PRR5L: variants seen among roughly 807,000 people sequenced by gnomAD.
PRR5L encodes proline-rich protein 5-like.
PRR5L carries 21 observed loss-of-function variants against 36.4 expected under a neutral mutation model. The ratio of observed to expected loss-of-function variants is 0.58; its 90% CI spans 0.41 to 0.83. The LOEUF is 0.83. Ranked by LOEUF, PRR5L falls within the 40% of genes least tolerant of loss-of-function variation. PRR5L has a pLI of 0.00. For synonymous variants in PRR5L, 188 were observed against 197.0 expected, an observed-to-expected ratio of 0.95 and a Z score of 0.38; for missense variants, 381 against 473.3, an observed-to-expected ratio of 0.80 and a Z score of 1.81.
intron 1 of PRR5L, among the ~76,000 whole-genome samples, chr11:36,378,496 C>T (rs1173137064): frequency 6.6e-6 from 1 of 152,172 alleles, no homozygotes; most frequent in Non-Finnish European, 1.5e-5. Flanking sequence ...ACAACTGGAA[C>T]CACTAATATG....
chr11:36,422,540 C>G (rs1001281611), intron 4 of PRR5L, among the ~76,000 whole-genome samples: 1 of 152,208 alleles, frequency 6.6e-6, no homozygotes, highest in African/African-American at 2.4e-5. Context: ...ACCCTGACCC[C>G]CAACTCTGAG....
At chr11:36,381,099 C>G (rs1017519625) in intron 1 of PRR5L, among the ~76,000 whole-genome samples, 6 of 152,188 alleles carry the variant, frequency 3.9e-5, no homozygotes, top group African/African-American at 1.4e-4. Context: ...TTTTTCTCCC[C>G]TCAATTTTGA....
intron 1 of PRR5L, among the ~76,000 whole-genome samples, chr11:36,353,093 G>T (rs1856992188): frequency 6.6e-6 from 1 of 152,166 alleles, no homozygotes; most frequent in African/African-American, 2.4e-5. Context: ...ATAGCTCTTT[G>T]TTGTGGGTGA....
At chr11:36,443,527 G>A (rs962644755) in intron 6 of PRR5L, among the ~76,000 whole-genome samples, 2 of 152,072 alleles carry the variant, frequency 1.3e-5, no homozygotes, top group African/African-American at 4.8e-5. Flanking sequence ...TCTGAGCCTT[G>A]GTTTTCTTCT....
At chr11:36,327,534 T>G (rs1031547133) in intron 1 of PRR5L, among the ~76,000 whole-genome samples, 3 of 152,212 alleles carry the variant, frequency 2.0e-5, no homozygotes, top group Non-Finnish European at 4.4e-5. Context: ...AAATTCTCTC[T>G]TGTAGGAGAA....
At chr11:36,382,788 G>C (rs118055289) in intron 1 of PRR5L, among the ~76,000 whole-genome samples, 27 of 152,242 alleles carry the variant, frequency 1.8e-4, no homozygotes, top group Non-Finnish European at 3.5e-4. Context: ...CCAGGCAGTG[G>C]GACAAAATCG....
At chr11:36,302,252 T>A (rs755433894) in intron 1 of PRR5L, among the ~76,000 whole-genome samples, 8 of 152,162 alleles carry the variant, frequency 5.3e-5, no homozygotes, top group Non-Finnish European at 7.4e-5. Flanking sequence ...GGAAGAGTGA[T>A]CCTTGAAGCG....
intron 3 of PRR5L, among the ~76,000 whole-genome samples, chr11:36,413,022 C>T (rs975814823): frequency 2.6e-5 from 4 of 152,112 alleles, no homozygotes; most frequent in East Asian, 1.9e-4. Flanking sequence ...GATGGTGTAT[C>T]GGAACAGAGG....
intron 4 of PRR5L, among the ~76,000 whole-genome samples, chr11:36,430,123 A>T (rs545814497): frequency 9.9e-5 from 15 of 152,224 alleles, no homozygotes; most frequent in African/African-American, 3.6e-4. Flanking sequence ...TTGAAACTAC[A>T]TGGTGGCTGG....
chr11:36,427,492 A>C (rs1858406628), intron 4 of PRR5L, among the ~76,000 whole-genome samples: 1 of 152,216 alleles, frequency 6.6e-6, no homozygotes, highest in South Asian at 2.1e-4. Flanking sequence ...ACAGCTCAGC[A>C]GCCAGCAAAC....
chr11:36,376,385 A>G, intron 1 of PRR5L: 1 of 1,160,216 alleles, frequency 8.6e-7, no homozygotes, highest in East Asian at 6.6e-5. Flanking sequence ...GGCGGCCGTA[A>G]GATGAGAGAG....
In PRR5L at chr11:36,442,742, C is replaced by T. The variant is rs143576849; in HGVS notation, c.445-3558C>T. Among the ~76,000 whole-genome samples the T allele has an allele frequency of 4.0e-3, 613 of 152,280 alleles. 3 individuals carry two copies. The highest frequency in any genetic ancestry group is 0.012 in the African/African-American group (494 of 41,554). On this transcript the variant is annotated intron_variant, in intron 6 of 8. Transcript: ENST00000530639. ...AATACAGACAAATTATTTGCTAAGG[C>T]ATAAAAAGGGTGATTTTTATTCCAG...
intron 1 of PRR5L, among the ~76,000 whole-genome samples, chr11:36,361,580 G>A (rs1255313100): frequency 6.6e-6 from 1 of 152,108 alleles, no homozygotes; most frequent in Admixed American, 6.5e-5. Context: ...TGATCTCTAG[G>A]TATTTACTGT....
chr11:36,340,083 C>T (rs1856804247), intron 1 of PRR5L, among the ~76,000 whole-genome samples: 1 of 152,232 alleles, frequency 6.6e-6, no homozygotes, highest in Non-Finnish European at 1.5e-5. Context: ...CTCATCCATT[C>T]TGCAGTGACA....
chr11:36,461,282 A>G (rs1193903358), intron 8 of PRR5L, among the ~76,000 whole-genome samples: 3 of 152,174 alleles, frequency 2.0e-5, no homozygotes, highest in African/African-American at 7.2e-5. Flanking sequence ...TCAAAAGATA[A>G]AATGTCTAGG....
chr11:36,421,916 G>A (rs564223543), intron 4 of PRR5L, among the ~76,000 whole-genome samples: 12 of 152,318 alleles, frequency 7.9e-5, no homozygotes, highest in African/African-American at 2.9e-4. Context: ...TCTTCAGCTA[G>A]GGATGCTGAC....
At chr11:36,305,191 C>T (rs572558183) in intron 1 of PRR5L, among the ~76,000 whole-genome samples, 1 of 152,278 alleles carries the variant, frequency 6.6e-6, no homozygotes, top group Admixed American at 6.5e-5. Context: ...TATTATGTCA[C>T]ATTAAAAAGA....
At chr11:36,438,305 C>T (rs763746633) in intron 6 of PRR5L, among the ~76,000 whole-genome samples, 24 of 152,018 alleles carry the variant, frequency 1.6e-4, no homozygotes, top group Non-Finnish European at 2.9e-4. Context: ...GTTGAGGCTT[C>T]GTATGTAATT....
chr11:36,330,506 A>G (rs1182229170), intron 1 of PRR5L, among the ~76,000 whole-genome samples: 1 of 152,180 alleles, frequency 6.6e-6, no homozygotes, highest in Non-Finnish European at 1.5e-5. Flanking sequence ...AGTACTTGTC[A>G]TATCCCTTTC....
Sources: gnomAD v4.1 joint callset for allele counts (sites outside exome capture counted in the v4.1 genomes callset) on GRCh38, gnomAD v4.1.1 for gene constraint, MANE v1.5 for transcripts, NCBI Gene and HGNC (gene_info 2026-07-23, HGNC 2026-07-21) for gene names.